The following FUNDC2 variants were observed in gnomAD, a reference collection of about 807,000 sequenced individuals.
The protein encoded by FUNDC2 is FUN14 domain-containing protein 2.
FUNDC2 carries 4 observed loss-of-function variants against 15.6 expected under a neutral mutation model. The observed-to-expected ratio is 0.26, with a 90% CI of 0.13 to 0.59. FUNDC2 has a LOEUF of 0.59. FUNDC2 is among the 20% of genes least tolerant of loss of function. The pLI, the probability that FUNDC2 is intolerant of heterozygous loss-of-function variation, is 0.90. For missense variants in FUNDC2, 98 were observed against 149.7 expected (o/e 0.65, Z 1.80); for synonymous variants, 44 against 56.9 (o/e 0.77, Z 1.02).
chrX:155,046,443 C>A, intron 2 of FUNDC2, 66 bp from the exon 3 acceptor site: 1 of 982,436 alleles, frequency 1.0e-6, no homozygotes, highest in Non-Finnish European at 1.5e-6. Context: ...TGAACATTGC[C>A]AGAAATGCAT....
intron 4 of FUNDC2, among the ~76,000 whole-genome samples, chrX:155,052,851 A>G (rs1226389046): frequency 2.7e-5 from 3 of 112,546 alleles, no homozygotes; most frequent in African/African-American, 9.7e-5. Flanking sequence ...AAAATAATGC[A>G]TGGCTGGGCA....
chrX:155,057,454 T>C lies in FUNDC2; in HGVS notation c.*2782T>C, dbSNP rs996843822. 19 of 111,117 alleles carry C rather than the reference T, an allele frequency of 1.7e-4. No individual in the cohort carries two copies. The highest frequency in any genetic ancestry group is 5.9e-4 in the African/African-American group (18 of 30,445). 9.2% of individuals were successfully genotyped at this position (111,117 alleles called of 1,213,427 possible). ...CTAATTAGTGGTGGTGGGGCGGAAGTTTTTCCTTGGGAAGAGCGTTGTCGC... is the reference window on the plus strand; with the variant it reads ...CTAATTAGTGGTGGTGGGGCGGAAGCTTTTCCTTGGGAAGAGCGTTGTCGC... On this transcript the variant is annotated 3_prime_UTR_variant, in exon 5 of 5. Coordinates refer to ENST00000369498, the MANE Select transcript of FUNDC2 (RefSeq NM_023934.4).
chrX:155,054,485 C>T (rs1557290706), intron 4 of FUNDC2, 110 bp from the exon 5 acceptor site: 4 of 1,156,214 alleles, frequency 3.5e-6, no homozygotes. Flanking sequence ...AATTACGTAA[C>T]CGATGAGGGG....
chrX:155,051,688 T>C lies in FUNDC2; in HGVS notation c.379T>C (p.Tyr127His). The C allele has an allele frequency of 8.3e-7, 1 of 1,210,688 alleles. No individual in the cohort carries two copies. Among genetic ancestry groups the C allele is most frequent in the Non-Finnish European group, 1.1e-6 (1 of 894,341 alleles). ...FLLQLANHTGYIKVDWQRVEK... is the reference protein window; with the variant it reads ...FLLQLANHTGHIKVDWQRVEK... ...ACTGTAGCTTGCAAACCATACTGGG[T>C]ACATCAAAGTTGACTGGCAACGAGT... Residue 127 changes from tyrosine (Y) to histidine (H), a missense_variant, in exon 4 of 5, where the codon TAC (tyrosine) becomes CAC (histidine). Physicochemically the swap from Tyr to His is moderately conservative, Grantham distance 83. Transcript: ENST00000369498.
intron 1 of FUNDC2, among the ~76,000 whole-genome samples, chrX:155,029,184 T>G (rs2073806177): frequency 8.9e-6 from 1 of 111,871 alleles, no homozygotes; most frequent in South Asian, 3.7e-4. Context: ...AAGCCTAGAC[T>G]GACTCACATA....
intron 2 of FUNDC2, among the ~76,000 whole-genome samples, chrX:155,040,739 A>G (rs1276422127): frequency 1.8e-5 from 2 of 111,453 alleles, no homozygotes; most frequent in Non-Finnish European, 3.8e-5. Flanking sequence ...TGATAATTCT[A>G]TGTTTACTTT....
rs782017622 is a variant in FUNDC2 at position 155,057,905 on chromosome X, A to AATG, written c.*3234_*3236dup. 1 of 111,507 alleles carries AATG rather than the reference A, an allele frequency of 9.0e-6. No homozygotes were observed. The highest frequency in any genetic ancestry group is 2.8e-4 in the East Asian group (1 of 3,525). 9.2% of individuals were successfully genotyped at this position (111,507 alleles called of 1,213,427 possible). A position where few individuals can be genotyped will look rare whatever the true frequency, so the allele number is the denominator to read the frequency against. On this transcript the variant is annotated 3_prime_UTR_variant, in exon 5 of 5. Transcript: ENST00000369498. ...TGCTCGGGCTCAACAGATGGAGTCC[A>AATG]ATGTTTCAGTCTCCCCCAAGAATGT...
At chrX:155,027,181 A>G (rs949021620) in intron 1 of FUNDC2, 110 bp downstream of exon 1, 5 of 869,588 alleles carry the variant, frequency 5.7e-6, no homozygotes, top group Non-Finnish European at 7.4e-6. Flanking sequence ...CGGGGAGTCC[A>G]AGCGGCGCGG....
chrX:155,028,914 C>T (rs1344839366), intron 1 of FUNDC2, among the ~76,000 whole-genome samples: 1 of 111,594 alleles, frequency 9.0e-6, no homozygotes, highest in East Asian at 2.8e-4. Flanking sequence ...TTCCCTTGCC[C>T]GCCTCCGCCC....
At chrX:155,048,038 G>A (rs2073868442) in intron 3 of FUNDC2, among the ~76,000 whole-genome samples, 1 of 111,274 alleles carries the variant, frequency 9.0e-6, no homozygotes. Context: ...CTTATATGCT[G>A]CCCCAAACTT....
rs193301371 is a variant in FUNDC2 at position 155,057,794 on chromosome X, G to C, written c.*3122G>C. 1 of 111,356 alleles carries C rather than the reference G, an allele frequency of 9.0e-6. No individual in the cohort carries two copies. The highest frequency in any genetic ancestry group is 3.3e-5 in the African/African-American group (1 of 30,558). 9.2% of individuals were successfully genotyped at this position (111,356 alleles called of 1,213,427 possible). A position where few individuals can be genotyped will look rare whatever the true frequency, so the allele number is the denominator to read the frequency against. On this transcript the variant is annotated 3_prime_UTR_variant, in exon 5 of 5. Coordinates refer to ENST00000369498, the MANE Select transcript of FUNDC2 (RefSeq NM_023934.4). ...GGACTTGGAGCATGCTACAGGAGAG[G>C]TAGAACTTTTGAGTCTCTTCTTCCC...
In FUNDC2 at chrX:155,056,227, A is replaced by C. The variant is rs1419197804; in HGVS notation, c.*1555A>C. 9.8e-5 allele frequency: 11 copies of C among 112,185 alleles called. No homozygotes were observed. Among genetic ancestry groups the C allele is most frequent in the Non-Finnish European group, 1.9e-5 (1 of 53,242 alleles). 9.2% of individuals were successfully genotyped at this position (112,185 alleles called of 1,213,427 possible). On this transcript the variant is annotated 3_prime_UTR_variant, in exon 5 of 5. Transcript: ENST00000369498. ...CCCTGTGTATCTATCACTCACTCAC[A>C]ACAATCATCAAATTATAGCTCTGCT...
intron 3 of FUNDC2, 22 bp from the exon 4 acceptor site, chrX:155,051,648 G>A (rs1424074095): frequency 7.5e-6 from 9 of 1,203,606 alleles, no homozygotes; most frequent in African/African-American, 1.7e-5. Context: ...ATTTCTTGTT[G>A]TCATTATTGT....
chrX:155,043,481 T>C (rs1289305212), intron 2 of FUNDC2, among the ~76,000 whole-genome samples: 1 of 112,257 alleles, frequency 8.9e-6, no homozygotes, highest in Non-Finnish European at 1.9e-5. Context: ...TTTACTTCAT[T>C]GGGTGCTAGA....
At chrX:155,049,427 CTGTTCTGTTGGTCTG>C (rs1312057648) in intron 3 of FUNDC2, 3 of 112,932 alleles carry the variant, frequency 2.7e-5, no homozygotes, top group African/African-American at 9.7e-5. Context: ...ACTTTTTATT[CTGTTCTGTTGGTCTG>C]TGTGTCTATC....
intron 2 of FUNDC2, among the ~76,000 whole-genome samples, chrX:155,044,801 G>A (rs782678210): frequency 1.8e-5 from 2 of 112,064 alleles, no homozygotes; most frequent in East Asian, 5.6e-4. Context: ...ACAGTATGGA[G>A]GTTCCTAAAG....
At chrX:155,037,163 C>T (rs990580892) in intron 2 of FUNDC2, among the ~76,000 whole-genome samples, 4 of 111,345 alleles carry the variant, frequency 3.6e-5, no homozygotes, top group Non-Finnish European at 7.5e-5. Flanking sequence ...ATTTTTGATA[C>T]CATTATAAAT....
rs1557291221 is a variant in FUNDC2 at position 155,057,699 on chromosome X, C to T, written c.*3027C>T. 1 of 111,967 alleles carries T rather than the reference C, an allele frequency of 8.9e-6. No homozygotes were observed. Among genetic ancestry groups the T allele is most frequent in the Non-Finnish European group, 1.9e-5 (1 of 53,213 alleles). 9.2% of individuals were successfully genotyped at this position (111,967 alleles called of 1,213,427 possible). ...CCCTTCCTGGCTACTATGGGTCGGC[C>T]CTGCGTCCTCACCACTTTGAGCCAC... On this transcript the variant is annotated 3_prime_UTR_variant, in exon 5 of 5. Coordinates refer to ENST00000369498, the MANE Select transcript of FUNDC2 (RefSeq NM_023934.4).
At chrX:155,051,110 G>A (rs781910534) in intron 3 of FUNDC2, 1 of 113,112 alleles carries the variant, frequency 8.8e-6, no homozygotes, top group African/African-American at 3.2e-5. Flanking sequence ...GAGTTTTAGT[G>A]TTTGTGCCTG....
Sources: gnomAD v4.1 joint callset for allele counts (sites outside exome capture counted in the v4.1 genomes callset) on GRCh38, gnomAD v4.1.1 for gene constraint, MANE v1.5 for transcripts, NCBI Gene and HGNC (gene_info 2026-07-23, HGNC 2026-07-21) for gene names.